Variants in IPO11 observed in about 807,000 individuals in gnomAD.
The protein encoded by IPO11 is importin-11.
A neutral mutation model predicts 143.2 loss-of-function variants in IPO11; 66 were observed. That is an observed-to-expected ratio of 0.46 (90% confidence interval 0.38 to 0.57). The LOEUF is 0.57. Among genes scored for constraint, IPO11 ranks in the 20% least tolerant of loss-of-function variants. IPO11 has a pLI of 0.00. For synonymous variants in IPO11, 385 were observed against 377.8 expected (o/e 1.02, Z -0.22); for missense variants, 1,026 against 1,141.0 (o/e 0.90, Z 1.45).
intron 28 of IPO11, among the ~76,000 whole-genome samples, chr5:62,599,085 A>G (rs1433986232): frequency 4.6e-5 from 7 of 152,180 alleles, no homozygotes; most frequent in Non-Finnish European, 8.8e-5. Flanking sequence ...AACTTGTGAG[A>G]CATGCAGATT....
chr5:62,627,135 T>C lies in IPO11; in HGVS notation c.2764-19T>C. On this transcript the variant is annotated intron_variant, in intron 29 of 29. Transcript: ENST00000325324. ...TGTTTTGCTTTTTTGACAGTCTTGC[T>C]CCTCTCTGTATCCCACAGCTGGCCC... is the stretch of plus-strand genomic sequence containing the variant. 5 of 1,605,408 alleles carry C rather than the reference T, an allele frequency of 3.1e-6. No homozygotes were observed. Among genetic ancestry groups the C allele is most frequent in the Non-Finnish European group, 4.3e-6 (5 of 1,173,996 alleles).
At chr5:62,620,024 G>A (rs941586842) in intron 29 of IPO11, among the ~76,000 whole-genome samples, 1 of 152,040 alleles carries the variant, frequency 6.6e-6, no homozygotes, top group Non-Finnish European at 1.5e-5. Flanking sequence ...CTTGAAATCC[G>A]CAGTCTTTAA....
chr5:62,515,210 C>T (rs1741974508), intron 19 of IPO11, among the ~76,000 whole-genome samples, 178 bp from the exon 20 acceptor site: 1 of 151,774 alleles, frequency 6.6e-6, no homozygotes, highest in Admixed American at 6.6e-5. Flanking sequence ...ACTATAGAGC[C>T]CTGGGCTTTT....
At chr5:62,429,286 GCTT>G (rs1743886034) in intron 1 of IPO11, among the ~76,000 whole-genome samples, 1 of 151,944 alleles carries the variant, frequency 6.6e-6, no homozygotes, top group African/African-American at 2.4e-5. Flanking sequence ...TATGTGACTG[GCTT>G]CTTCTGCTTA....
chr5:62,593,727 C>T (rs1382169248), intron 28 of IPO11, among the ~76,000 whole-genome samples: 1 of 152,082 alleles, frequency 6.6e-6, no homozygotes, highest in Non-Finnish European at 1.5e-5. Flanking sequence ...TTCTTTTATC[C>T]CCAGAATTGT....
intron 5 of IPO11, among the ~76,000 whole-genome samples, chr5:62,459,017 A>G (rs1438804526): frequency 2.6e-5 from 4 of 152,080 alleles, no homozygotes; most frequent in African/African-American, 7.2e-5. Context: ...TTCTTACTCT[A>G]TGCAATCACT....
In IPO11 at chr5:62,431,116, A is replaced by G. The variant is rs182655475; in HGVS notation, c.-6-6158A>G. The stretch of plus-strand genomic sequence containing the variant: ...CTCAACCTCCTGAGTAGCTGGGACT[A>G]CAGGCATGTGCTACGGTACGCCTGG... On this transcript the variant is annotated intron_variant, in intron 1 of 29. Coordinates refer to ENST00000325324, the MANE Select transcript of IPO11 (RefSeq NM_016338.5). Among the ~76,000 whole-genome samples the G allele has an allele frequency of 2.1e-3, 320 of 151,762 alleles. 5 individuals are homozygous for G. The highest frequency in any genetic ancestry group is 6.3e-4 in the Non-Finnish European group (43 of 67,960).
intron 13 of IPO11, 80 bp from the exon 14 acceptor site, chr5:62,489,220 CAA>C (rs1386944498): frequency 1.3e-6 from 1 of 743,442 alleles, no homozygotes; most frequent in Non-Finnish European, 2.1e-6. Flanking sequence ...GGGAAACTAA[CAA>C]ATTGTGTTTA....
intron 26 of IPO11, among the ~76,000 whole-genome samples, chr5:62,556,975 G>T (rs1218171632): frequency 6.6e-6 from 1 of 152,110 alleles, no homozygotes; most frequent in Non-Finnish European, 1.5e-5. Flanking sequence ...TGAGGGCTCA[G>T]TATTCTTGTT....
chr5:62,555,595 C>T (rs1303757265), intron 26 of IPO11, among the ~76,000 whole-genome samples: 1 of 151,834 alleles, frequency 6.6e-6, no homozygotes, highest in Non-Finnish European at 1.5e-5. Context: ...GCCCCGCCTC[C>T]CGGGTTCACA....
intron 21 of IPO11, among the ~76,000 whole-genome samples, chr5:62,527,579 A>T (rs765435675): frequency 6.6e-6 from 1 of 152,202 alleles, no homozygotes; most frequent in Non-Finnish European, 1.5e-5. Flanking sequence ...AAAATCCAAT[A>T]TTAAAGAGAT....
intron 26 of IPO11, among the ~76,000 whole-genome samples, chr5:62,553,995 T>C (rs1743483074): frequency 6.6e-6 from 1 of 152,190 alleles, no homozygotes; most frequent in African/African-American, 2.4e-5. Context: ...CCTCCCAAAG[T>C]GCTGGGATTA....
intron 27 of IPO11, chr5:62,580,245 G>A: frequency 6.5e-7 from 1 of 1,548,116 alleles, no homozygotes; most frequent in Non-Finnish European, 8.7e-7. Flanking sequence ...ATGTTACTAG[G>A]GATGGGTTTA....
chr5:62,420,268 G>A (rs1743460572), intron 1 of IPO11, among the ~76,000 whole-genome samples: 1 of 147,196 alleles, frequency 6.8e-6, no homozygotes, highest in Non-Finnish European at 1.5e-5. Context: ...TCCAGCCTGG[G>A]CAACAAGAGT....
In IPO11 at chr5:62,597,984, C is replaced by T. The variant is rs73108096; in HGVS notation, c.2679-3780C>T. Among the ~76,000 whole-genome samples, 734 of 152,212 alleles carry T rather than the reference C, an allele frequency of 4.8e-3. 4 individuals carry two copies. The highest frequency in any genetic ancestry group is 0.017 in the African/African-American group (701 of 41,514). Reference sequence around the variant, plus strand: ...TCATCTGCAGGCTACCATTCCTCATCGATAAAAAGTAGTTCTAGGCATTAC... The same window carrying T: ...TCATCTGCAGGCTACCATTCCTCATTGATAAAAAGTAGTTCTAGGCATTAC... On this transcript the variant is annotated intron_variant, in intron 28 of 29. Coordinates refer to ENST00000325324, the MANE Select transcript of IPO11 (RefSeq NM_016338.5).
intron 18 of IPO11, among the ~76,000 whole-genome samples, 165 bp downstream of exon 18, chr5:62,505,063 GT>G (rs1425437256): frequency 3.3e-5 from 5 of 151,918 alleles, no homozygotes; most frequent in Non-Finnish European, 5.9e-5. Context: ...TTTGTAAACT[GT>G]TTTGGTAACT....
intron 27 of IPO11, among the ~76,000 whole-genome samples, chr5:62,577,343 C>A (rs1744352562): frequency 6.6e-6 from 1 of 152,086 alleles, no homozygotes; most frequent in Non-Finnish European, 1.5e-5. Context: ...ACCTTTGCAT[C>A]CTAATAAGTG....
At chr5:62,483,378 G>C in intron 10 of IPO11, 85 bp downstream of exon 10, 1 of 762,854 alleles carries the variant, frequency 1.3e-6, no homozygotes, top group Non-Finnish European at 2.0e-6. Flanking sequence ...TTTAAAAAAT[G>C]TCATTTTAGT....
Position 62,490,234 on chromosome 5 carries a change from T to G in IPO11, c.1463+14T>G. The G allele has an allele frequency of 1.4e-6, 2 of 1,475,240 alleles. No homozygotes were observed. Among genetic ancestry groups the G allele is most frequent in the South Asian group, 1.2e-5 (1 of 80,446 alleles). 91.4% of individuals were successfully genotyped at this position (1,475,240 alleles called of 1,614,324 possible). A position where few individuals can be genotyped will look rare whatever the true frequency, so the allele number is the denominator to read the frequency against. ...CATTCACAATAGGCAAGTATAAAAT[T>G]TTATATTTATTATACACTTACTTTA... On this transcript the variant is annotated intron_variant, in intron 15 of 29. Transcript: ENST00000325324.
Sources: allele counts gnomAD v4.1 joint callset (sites outside exome capture counted in the v4.1 genomes callset), GRCh38; gene constraint gnomAD v4.1.1; transcripts MANE v1.5; gene names NCBI Gene and HGNC (gene_info 2026-07-23, HGNC 2026-07-21).